Variants in CHCHD6 observed in about 807,000 individuals in gnomAD.
CHCHD6 encodes the protein MICOS complex subunit MIC25.
Under a neutral mutation model 32.3 loss-of-function variants are expected in CHCHD6, and 28 were observed. The observed-to-expected ratio is 0.87, with a 90% CI of 0.64 to 1.19. CHCHD6 has a LOEUF of 1.19. CHCHD6 is among the 50% of genes most tolerant of loss of function. The probability of loss-of-function intolerance (pLI) is 0.00; values close to 1 mark genes in which losing one functional copy is unlikely to be tolerated. For synonymous variants in CHCHD6, 122 were observed against 117.5 expected (o/e 1.04, Z -0.25); for missense variants, 333 against 307.0 (o/e 1.08, Z -0.63).
rs568100584 is a variant in CHCHD6, at chr3:126,732,809, A to G, written c.267-269A>G. Among the ~76,000 whole-genome samples the G allele has an allele frequency of 3.3e-4, 51 of 152,286 alleles. No homozygotes were observed. The East Asian group carries it at 9.6e-3, about 29-fold the overall frequency. ...ACTCTCACTGGGCATGGGGCTGCCT[A>G]CTTGGCCAGGTCTCCTCCTGTTCCT... is the stretch of plus-strand genomic sequence containing the variant. On this transcript the variant is annotated intron_variant, in intron 3 of 7. Coordinates refer to ENST00000290913, the MANE Select transcript of CHCHD6 (RefSeq NM_032343.3).
chr3:126,898,427 G>A (rs999604071), intron 5 of CHCHD6, among the ~76,000 whole-genome samples: 7 of 152,232 alleles, frequency 4.6e-5, no homozygotes, highest in African/African-American at 1.7e-4. Flanking sequence ...ATGGGGACTG[G>A]AGAGGAAAAC....
intron 4 of CHCHD6, among the ~76,000 whole-genome samples, chr3:126,805,801 A>C (rs1939341806): frequency 6.6e-6 from 1 of 152,088 alleles, no homozygotes; most frequent in African/African-American, 2.4e-5. Flanking sequence ...ACTTCAAACT[A>C]TACTACAAGG....
At chr3:126,750,966 C>T (rs1936697563) in intron 4 of CHCHD6, among the ~76,000 whole-genome samples, 1 of 152,158 alleles carries the variant, frequency 6.6e-6, no homozygotes, top group Non-Finnish European at 1.5e-5. Flanking sequence ...CCGTGCTGAC[C>T]CCAGCACAAC....
At chr3:126,841,258 T>C (rs986582046) in intron 4 of CHCHD6, among the ~76,000 whole-genome samples, 2 of 152,202 alleles carry the variant, frequency 1.3e-5, no homozygotes, top group Non-Finnish European at 2.9e-5. Flanking sequence ...TATTCCATGG[T>C]GTATATGTGC....
chr3:126,747,615 A>C (rs1310628850), intron 4 of CHCHD6, among the ~76,000 whole-genome samples: 2 of 152,126 alleles, frequency 1.3e-5, no homozygotes, highest in Non-Finnish European at 2.9e-5. Flanking sequence ...TTCTGATGGC[A>C]CTTTGTATAT....
chr3:126,730,154 C>T (rs1179636016), intron 2 of CHCHD6, among the ~76,000 whole-genome samples: 1 of 152,168 alleles, frequency 6.6e-6, no homozygotes, highest in Non-Finnish European at 1.5e-5. Context: ...GCCCCCACCC[C>T]TTCCCTTCCC....
chr3:126,812,529 T>G (rs570040496), intron 4 of CHCHD6, among the ~76,000 whole-genome samples: 1 of 152,052 alleles, frequency 6.6e-6, no homozygotes, highest in African/African-American at 2.4e-5. Context: ...GTTCAAGCAA[T>G]TCTCCTGCCT....
intron 1 of CHCHD6, among the ~76,000 whole-genome samples, 161 bp downstream of exon 1, chr3:126,704,560 G>A (rs529207043): frequency 1.1e-3 from 169 of 152,302 alleles, no homozygotes; most frequent in Non-Finnish European, 2.0e-3. Context: ...CGAGACGCGA[G>A]CCCGAGGCTG....
At chr3:126,788,186 T>G (rs574815516) in intron 4 of CHCHD6, among the ~76,000 whole-genome samples, 2 of 152,204 alleles carry the variant, frequency 1.3e-5, no homozygotes, top group Non-Finnish European at 1.5e-5. Context: ...CACTTGATCA[T>G]GGTGGATAAG....
intron 5 of CHCHD6, among the ~76,000 whole-genome samples, chr3:126,879,024 C>T (rs2077574603): frequency 6.6e-6 from 1 of 152,202 alleles, no homozygotes; most frequent in Non-Finnish European, 1.5e-5. Flanking sequence ...CGGTTGGGAC[C>T]TTTGCTGGGC....
intron 4 of CHCHD6, chr3:126,767,166 T>G (rs1362853139): frequency 6.3e-7 from 1 of 1,592,238 alleles, no homozygotes; most frequent in African/African-American, 1.3e-5. Context: ...AGGTTTCCTT[T>G]GCAGTCCATT....
At chr3:126,764,303 C>T (rs1157043966) in intron 4 of CHCHD6, among the ~76,000 whole-genome samples, 1 of 151,234 alleles carries the variant, frequency 6.6e-6, no homozygotes, top group East Asian at 1.9e-4. Context: ...GATTCCCCTT[C>T]ATGCTAATCA....
intron 6 of CHCHD6, among the ~76,000 whole-genome samples, chr3:126,920,424 A>G (rs1177401896): frequency 6.6e-6 from 1 of 152,016 alleles, no homozygotes; most frequent in Non-Finnish European, 1.5e-5. Context: ...CCTCTGTGAT[A>G]TGACCTTCCC....
At chr3:126,827,817 T>C (rs987725920) in intron 4 of CHCHD6, among the ~76,000 whole-genome samples, 3 of 151,668 alleles carry the variant, frequency 2.0e-5, no homozygotes, top group African/African-American at 7.3e-5. Context: ...AGGGGTGGAG[T>C]GGAGGGAGGC....
chr3:126,834,825 A>G (rs1940788835), intron 4 of CHCHD6, among the ~76,000 whole-genome samples: 1 of 152,176 alleles, frequency 6.6e-6, no homozygotes, highest in Non-Finnish European at 1.5e-5. Context: ...TGCTGAAGGA[A>G]GCGTTGGCTG....
In CHCHD6 at chr3:126,942,386, G is replaced by T. The variant is rs115604213; in HGVS notation, c.567-15030G>T. Among the ~76,000 whole-genome samples the T allele has an allele frequency of 9.9e-3, 1,508 of 152,268 alleles. 27 individuals are homozygous for T. Among genetic ancestry groups the T allele is most frequent in the African/African-American group, 0.034 (1,419 of 41,538 alleles). ...AGCCTTAGCTTCCATTGAGAACATTGTGATGATCTATTTCCATCATTTCTT... is the reference window on the plus strand; with the variant it reads ...AGCCTTAGCTTCCATTGAGAACATTTTGATGATCTATTTCCATCATTTCTT... On this transcript the variant is annotated intron_variant, in intron 6 of 7. Coordinates refer to ENST00000290913, the MANE Select transcript of CHCHD6 (RefSeq NM_032343.3).
At chr3:126,958,166 C>A (rs2078813363) in intron 7 of CHCHD6, among the ~76,000 whole-genome samples, 1 of 151,740 alleles carries the variant, frequency 6.6e-6, no homozygotes. Flanking sequence ...CTCCCCCACC[C>A]CCAACTGCTG....
chr3:126,737,402 A>G (rs959714562), intron 4 of CHCHD6, among the ~76,000 whole-genome samples: 2 of 142,096 alleles, frequency 1.4e-5, no homozygotes, highest in African/African-American at 5.5e-5. Flanking sequence ...ATATATATAT[A>G]TATATATATA....
At chr3:126,947,359 A>G (rs901541117) in intron 6 of CHCHD6, among the ~76,000 whole-genome samples, 1 of 152,188 alleles carries the variant, frequency 6.6e-6, no homozygotes, top group Admixed American at 6.5e-5. Flanking sequence ...GGGAGTTGGC[A>G]AGCTTCTGCC....
Sources: gnomAD v4.1 joint callset for allele counts (sites outside exome capture counted in the v4.1 genomes callset) on GRCh38, gnomAD v4.1.1 for gene constraint, MANE v1.5 for transcripts, NCBI Gene and HGNC (gene_info 2026-07-23, HGNC 2026-07-21) for gene names.